The following ANKFN1 variants were observed in gnomAD, a reference collection of about 807,000 sequenced individuals.
The protein encoded by ANKFN1 is ankyrin repeat and fibronectin type-III domain-containing protein 1.
A neutral mutation model predicts 108.7 loss-of-function variants in ANKFN1; 74 were observed. That is an observed-to-expected ratio of 0.68 (90% CI 0.56 to 0.83). ANKFN1 has a LOEUF of 0.83. ANKFN1 is among the 40% of genes least tolerant of loss of function. The pLI is 0.00. For missense variants in ANKFN1, 1,505 were observed against 1,382.3 expected (o/e 1.09, Z -1.41); for synonymous variants, 547 against 516.2 (o/e 1.06, Z -0.81).
rs369826946 is a variant in ANKFN1, at chr17:56,510,483, C to T, written c.2655C>T (p.Pro885=). 1.4e-5 allele frequency: 21 copies of T among 1,536,036 alleles called. No individual in the cohort carries two copies. The East Asian group carries it at 2.2e-4, about 16-fold the overall frequency. The change falls in exon 21 of 21, where the codon CCC becomes CCT. Residue 885 remains proline (P), a synonymous_variant. Transcript: ENST00000682825. ...TTTCTGGCTTCGCAGATTCACAGCCCTGCTCTGATGAAGAAGCCTGCTCAG... is the reference window on the plus strand; with the variant it reads ...TTTCTGGCTTCGCAGATTCACAGCCTTGCTCTGATGAAGAAGCCTGCTCAG... ...HRRKTVSDSQ[P]CSDEEACSEV... is the part of the protein sequence containing the mutation.
intron 3 of ANKFN1, among the ~76,000 whole-genome samples, chr17:56,294,053 C>G (rs1282326562): frequency 2.0e-5 from 3 of 152,196 alleles, no homozygotes; most frequent in Non-Finnish European, 4.4e-5. Context: ...GTTCTGTTTT[C>G]TTCCCTGATT....
At chr17:56,388,492 T>C (rs1054174504) in intron 8 of ANKFN1, among the ~76,000 whole-genome samples, 1 of 152,220 alleles carries the variant, frequency 6.6e-6, no homozygotes, top group African/African-American at 2.4e-5. Context: ...AGCATTTAAC[T>C]CTTTTAATAC....
chr17:56,295,202 G>A (rs2044473629), intron 3 of ANKFN1, among the ~76,000 whole-genome samples: 1 of 152,194 alleles, frequency 6.6e-6, no homozygotes, highest in Non-Finnish European at 1.5e-5. Context: ...GACTCGGTTT[G>A]AAGTGGGCCC....
At chr17:56,302,683 C>A (rs72833839) in intron 3 of ANKFN1, among the ~76,000 whole-genome samples, 17,361 of 152,156 alleles carry the variant, frequency 0.11, 1,067 homozygotes, top group African/African-American at 0.18. Flanking sequence ...ATCCTACCCC[C>A]ACAAGATAAC....
intron 15 of ANKFN1, among the ~76,000 whole-genome samples, chr17:56,474,288 A>G (rs2050425562): frequency 6.6e-6 from 1 of 152,230 alleles, no homozygotes; most frequent in Admixed American, 6.5e-5. Context: ...GTTAAAAGCA[A>G]CGTAGTCCAG....
chr17:56,259,677 G>A (rs2043454389), intron 3 of ANKFN1, among the ~76,000 whole-genome samples: 1 of 152,094 alleles, frequency 6.6e-6, no homozygotes, highest in Admixed American at 6.5e-5. Context: ...AGAAAAAGGA[G>A]ACTAAAAATT....
chr17:56,063,925 G>C (rs1255893001), intron 4 of ANKFN1, among the ~76,000 whole-genome samples: 1 of 151,982 alleles, frequency 6.6e-6, no homozygotes, highest in African/African-American at 2.4e-5. Flanking sequence ...GAGATTTGTG[G>C]GTGATTTTGT....
intron 3 of ANKFN1, among the ~76,000 whole-genome samples, chr17:56,282,870 AT>A (rs2044120183): frequency 1.3e-5 from 2 of 152,236 alleles, no homozygotes; most frequent in South Asian, 4.1e-4. Context: ...AGTTAAAAAA[AT>A]AAAAGTATAA....
At chr17:56,497,112 A>T (rs957141497) in intron 19 of ANKFN1, among the ~76,000 whole-genome samples, 1 of 152,140 alleles carries the variant, frequency 6.6e-6, no homozygotes, top group African/African-American at 2.4e-5. Flanking sequence ...TGCCTTTAAA[A>T]TAACTTTCAA....
At chr17:56,227,853 T>A in intron 2 of ANKFN1, 64 bp from the exon 3 acceptor site, 1 of 1,381,288 alleles carries the variant, frequency 7.2e-7, no homozygotes, top group Non-Finnish European at 1.0e-6. Flanking sequence ...ACGTGACTCC[T>A]TTTTCATTTT....
At chr17:56,438,290 A>G (rs2048989684) in intron 8 of ANKFN1, among the ~76,000 whole-genome samples, 1 of 152,260 alleles carries the variant, frequency 6.6e-6, no homozygotes, top group South Asian at 2.1e-4. Flanking sequence ...GGTGAGTTTC[A>G]CCAAGCAGAG....
chr17:56,501,546 T>G (rs2051371383), intron 20 of ANKFN1, among the ~76,000 whole-genome samples: 1 of 152,028 alleles, frequency 6.6e-6, no homozygotes, highest in Non-Finnish European at 1.5e-5. Context: ...TTGCGTTGGC[T>G]TTGGAACATT....
chr17:56,329,085 T>TA (rs2045595751), intron 4 of ANKFN1, among the ~76,000 whole-genome samples: 1 of 152,090 alleles, frequency 6.6e-6, no homozygotes, highest in Non-Finnish European at 1.5e-5. Context: ...AGCAATTCTC[T>TA]AAAAAAGCAA....
chr17:56,253,647 GA>G (rs1195322862), intron 3 of ANKFN1, among the ~76,000 whole-genome samples: 1 of 152,194 alleles, frequency 6.6e-6, no homozygotes, highest in Non-Finnish European at 1.5e-5. Flanking sequence ...CAAGGCACGA[GA>G]GAATCACTTG....
At chr17:56,108,706 G>A (rs1905799042) in intron 4 of ANKFN1, among the ~76,000 whole-genome samples, 3 of 152,328 alleles carry the variant, frequency 2.0e-5, no homozygotes, top group South Asian at 4.1e-4. Flanking sequence ...TTTTTCTGGA[G>A]TAACAGGATA....
intron 4 of ANKFN1, among the ~76,000 whole-genome samples, chr17:56,071,952 TC>T: frequency 6.6e-6 from 1 of 152,352 alleles, no homozygotes; most frequent in Non-Finnish European, 1.5e-5. Context: ...TTCTGGGCCC[TC>T]CGGGCACAGC....
intron 4 of ANKFN1, among the ~76,000 whole-genome samples, chr17:56,136,337 C>A (rs1310635206): frequency 1.3e-5 from 2 of 152,140 alleles, no homozygotes; most frequent in African/African-American, 2.4e-5. Flanking sequence ...AAGGTCATGT[C>A]TTTGGAAAAG....
chr17:56,117,631 G>A (rs1423331752), intron 4 of ANKFN1, among the ~76,000 whole-genome samples: 1 of 152,116 alleles, frequency 6.6e-6, no homozygotes, highest in Non-Finnish European at 1.5e-5. Flanking sequence ...AGATAGCCAA[G>A]ACGAAAACTG....
chr17:56,492,343 A>G lies in ANKFN1; in HGVS notation c.2417A>G (p.Asp806Gly). ...AAKQRHQQVL[D>G]FIQQIDEVWR... is the part of the protein sequence containing the mutation. ...AAACAAAGACACCAGCAAGTTTTAG[A>G]TTTCATTCAGGTAATTGTTTGTTCC... The change falls in exon 19 of 21, where the codon GAT becomes GGT. Residue 806 changes from aspartate (D) to glycine (G), a missense_variant. Coordinates refer to ENST00000682825, the MANE Select transcript of ANKFN1 (RefSeq NM_001370326.1). 1.4e-6 allele frequency: 1 copy of G among 702,160 alleles called. No individual in the cohort carries two copies. The highest frequency in any genetic ancestry group is 1.5e-5 in the South Asian group (1 of 67,556). 43.5% of individuals were successfully genotyped at this position (702,160 alleles called of 1,614,324 possible).
Sources: gnomAD v4.1 joint callset for allele counts (sites outside exome capture counted in the v4.1 genomes callset) on GRCh38, gnomAD v4.1.1 for gene constraint, MANE v1.5 for transcripts, NCBI Gene and HGNC (gene_info 2026-07-23, HGNC 2026-07-21) for gene names.